Variants in LLPH observed in about 807,000 individuals in gnomAD.
The protein encoded by LLPH is protein LLP homolog.
A neutral mutation model predicts 13.3 loss-of-function variants in LLPH; 5 were observed. That is an observed-to-expected ratio of 0.38 (90% CI 0.20 to 0.79). The LOEUF is 0.79. Among genes scored for constraint, LLPH ranks in the 30% least tolerant of loss-of-function variants. The pLI, the probability that LLPH is intolerant of heterozygous loss-of-function variation, is 0.45. For synonymous variants in LLPH, 32 were observed against 44.2 expected, an observed-to-expected ratio of 0.72 and a Z score of 1.09; for missense variants, 129 against 152.1, an observed-to-expected ratio of 0.85 and a Z score of 0.80.
chr12:66,118,495 C>T lies in LLPH; in HGVS notation c.*5345G>A, dbSNP rs1443704274. ...CTATTCATAAGTGGTACAGGTGTAC[C>T]ATTTTTTTATCTTTTATACTGTATT... On this transcript the variant is annotated 3_prime_UTR_variant, in exon 3 of 3. Transcript: ENST00000266604. The T allele has an allele frequency of 6.6e-6, 1 of 152,004 alleles. No homozygotes were observed. The highest frequency in any genetic ancestry group is 1.5e-5 in the Non-Finnish European group (1 of 68,018). 9.4% of individuals were successfully genotyped at this position (152,004 alleles called of 1,614,324 possible).
At chr12:66,129,390 C>CTT (rs35029381) in intron 1 of LLPH, among the ~76,000 whole-genome samples, 10,958 of 143,580 alleles carry the variant, frequency 0.076, 935 homozygotes, top group East Asian at 0.5. Flanking sequence ...TGTCTTTTTT[C>CTT]TTTTTTTTTT....
chr12:66,127,041 T>A (rs2051501951), intron 2 of LLPH, among the ~76,000 whole-genome samples: 1 of 152,172 alleles, frequency 6.6e-6, no homozygotes, highest in Non-Finnish European at 1.5e-5. Flanking sequence ...TTTCATACCC[T>A]CGAAGATGGC....
chr12:66,129,408 CAG>C (rs758287273), intron 1 of LLPH, among the ~76,000 whole-genome samples: 3 of 148,166 alleles, frequency 2.0e-5, no homozygotes, highest in Non-Finnish European at 4.5e-5. Flanking sequence ...TTTTTTGAGA[CAG>C]AGTCTTGTTC....
rs1033758235 is a variant in LLPH, at chr12:66,130,687, G to C, written c.-8+18C>G. ...CCAAGTCCCATGTGTCACTGGACCG[G>C]TGAGGAACCGAACTCACCTGAGAAA... On this transcript the variant is annotated intron_variant, in intron 1 of 2. Transcript: ENST00000266604. 1 of 152,342 alleles carries C rather than the reference G, an allele frequency of 6.6e-6. No individual in the cohort carries two copies. The highest frequency in any genetic ancestry group is 1.9e-4 in the East Asian group (1 of 5,194). The allele number at this position is 152,342 out of a possible 1,614,324, so 9.4% of individuals were successfully genotyped here.
Position 66,118,540 on chromosome 12 carries a change from G to A in LLPH, c.*5300C>T, listed in dbSNP as rs1244964304. 6.6e-6 allele frequency: 1 copy of A among 151,864 alleles called. No individual in the cohort carries two copies. Among genetic ancestry groups the A allele is most frequent in the African/African-American group, 2.4e-5 (1 of 41,296 alleles). The allele number at this position is 151,864 out of a possible 1,614,324, so 9.4% of individuals were successfully genotyped here. A position where few individuals can be genotyped will look rare whatever the true frequency, so the allele number is the denominator to read the frequency against. On this transcript the variant is annotated 3_prime_UTR_variant, in exon 3 of 3. Coordinates refer to ENST00000266604, the MANE Select transcript of LLPH (RefSeq NM_032338.4). ...TGTATTTTTACTGTACCTTTTCTAT[G>A]TTTAGATACACAAATACTTCCCATT...
Position 66,117,973 on chromosome 12 carries a change from C to T in LLPH, c.*5867G>A, listed in dbSNP as rs898336866. ...GGTTATACAGTTTAAAAAATTAAAA[C>T]GTTTATAAGGTAAAAAAGTTACAGG... On this transcript the variant is annotated 3_prime_UTR_variant, in exon 3 of 3. Coordinates refer to ENST00000266604, the MANE Select transcript of LLPH (RefSeq NM_032338.4). The T allele has an allele frequency of 7.2e-5, 11 of 151,952 alleles. No homozygotes were observed. The highest frequency in any genetic ancestry group is 2.7e-4 in the African/African-American group (11 of 41,352). 9.4% of individuals were successfully genotyped at this position (151,952 alleles called of 1,614,324 possible). A position where few individuals can be genotyped will look rare whatever the true frequency, so the allele number is the denominator to read the frequency against.
chr12:66,124,090 A>G, intron 2 of LLPH, 72 bp from the exon 3 acceptor site: 1 of 969,504 alleles, frequency 1.0e-6, no homozygotes, highest in East Asian at 2.5e-5. Context: ...ATATTAATGC[A>G]CTGAGAACAT....
intron 1 of LLPH, among the ~76,000 whole-genome samples, chr12:66,129,931 C>T (rs1217181258): frequency 6.6e-6 from 1 of 152,134 alleles, no homozygotes; most frequent in Non-Finnish European, 1.5e-5. Context: ...AAAAAGCATT[C>T]ACTGCCTTTC....
intron 2 of LLPH, among the ~76,000 whole-genome samples, chr12:66,124,933 T>C (rs567482038): frequency 6.6e-5 from 10 of 152,108 alleles, no homozygotes; most frequent in Non-Finnish European, 1.5e-4. Flanking sequence ...CTATAGGCAT[T>C]TGTAGTCTCA....
rs1355709030 is a variant in LLPH, at chr12:66,128,878, A to G, written c.211+18T>C. ...AAAAAAAAAAAAAAAGAGAAAGAAA[A>G]AGGAGAAGCACACTCACCTTTTTCA... On this transcript the variant is annotated intron_variant, in intron 2 of 2. Transcript: ENST00000266604. 4 of 1,556,546 alleles carry G rather than the reference A, an allele frequency of 2.6e-6. No individual in the cohort carries two copies. Among genetic ancestry groups the G allele is most frequent in the Non-Finnish European group, 3.5e-6 (4 of 1,148,122 alleles).
chr12:66,125,497 T>C (rs2051490494), intron 2 of LLPH, among the ~76,000 whole-genome samples: 1 of 152,066 alleles, frequency 6.6e-6, no homozygotes. Flanking sequence ...AACAAATAGA[T>C]TACTAAATGG....
chr12:66,123,794 T>G lies in LLPH; in HGVS notation c.*46A>C. 1 of 1,600,632 alleles carries G rather than the reference T, an allele frequency of 6.2e-7. No individual in the cohort carries two copies. Among genetic ancestry groups the G allele is most frequent in the Non-Finnish European group, 8.5e-7 (1 of 1,174,276 alleles). On this transcript the variant is annotated 3_prime_UTR_variant, in exon 3 of 3. Coordinates refer to ENST00000266604, the MANE Select transcript of LLPH (RefSeq NM_032338.4). ...TCAAAGTATACATGTGTATACATTC[T>G]AATCCGTCATCTATCCCATGTGGCA...
rs2051430782 is a variant in LLPH at position 66,116,757 on chromosome 12, C to T, written c.*7083G>A. ...ATTCATCGCTTTAGGATATTAAATA[C>T]ATTCCGCATATTAAAAACTTAATGT... On this transcript the variant is annotated 3_prime_UTR_variant, in exon 3 of 3. Transcript: ENST00000266604. The T allele has an allele frequency of 6.6e-6, 1 of 152,234 alleles. No individual in the cohort carries two copies. The highest frequency in any genetic ancestry group is 2.4e-5 in the African/African-American group (1 of 41,464). 9.4% of individuals were successfully genotyped at this position (152,234 alleles called of 1,614,324 possible).
At chr12:66,129,607 G>C (rs978845814) in intron 1 of LLPH, among the ~76,000 whole-genome samples, 21 of 151,906 alleles carry the variant, frequency 1.4e-4, no homozygotes, top group African/African-American at 4.6e-4. Flanking sequence ...GGATAGTCTC[G>C]ATCTCCTGAC....
chr12:66,127,525 C>T (rs1186016084), intron 2 of LLPH, among the ~76,000 whole-genome samples: 1 of 152,094 alleles, frequency 6.6e-6, no homozygotes, highest in Non-Finnish European at 1.5e-5. Flanking sequence ...GGAGGAGAGA[C>T]AGACTTCTTA....
In LLPH at chr12:66,122,058, CATGA is replaced by C. The variant is rs1448433018; in HGVS notation, c.*1778_*1781del. 2 of 152,038 alleles carry C rather than the reference CATGA, an allele frequency of 1.3e-5. No individual in the cohort carries two copies. Among genetic ancestry groups the C allele is most frequent in the Non-Finnish European group, 2.9e-5 (2 of 68,012 alleles). 9.4% of individuals were successfully genotyped at this position (152,038 alleles called of 1,614,324 possible). ...TACCTACACCAAAGGCAACAAAGAT[CATGA>C]ATGACATCTTTCAATTCATATCTTT... On this transcript the variant is annotated 3_prime_UTR_variant, in exon 3 of 3. Coordinates refer to ENST00000266604, the MANE Select transcript of LLPH (RefSeq NM_032338.4).
chr12:66,119,470 C>T lies in LLPH; in HGVS notation c.*4370G>A, dbSNP rs1385256167. The T allele has an allele frequency of 6.6e-6, 1 of 152,194 alleles. No individual in the cohort carries two copies. 9.4% of individuals were successfully genotyped at this position (152,194 alleles called of 1,614,324 possible). ...CTGGAAACAGCAGAGTGACCTTTGA[C>T]CTGATGTAAGTATTTAACAGTCCCA... On this transcript the variant is annotated 3_prime_UTR_variant, in exon 3 of 3. Coordinates refer to ENST00000266604, the MANE Select transcript of LLPH (RefSeq NM_032338.4).
chr12:66,129,814 C>G (rs1212175764), intron 1 of LLPH, among the ~76,000 whole-genome samples: 1 of 152,194 alleles, frequency 6.6e-6, no homozygotes, highest in Non-Finnish European at 1.5e-5. Context: ...CATTATCCAT[C>G]CTCTCAAGCC....
In LLPH at chr12:66,117,515, A is replaced by G. The variant is rs1411274202; in HGVS notation, c.*6325T>C. Reference sequence around the variant, plus strand: ...ACAAACCTACTGTGCTGTCAGTCATATAAAGGTATAGCACATACAATTATG... The same window carrying G: ...ACAAACCTACTGTGCTGTCAGTCATGTAAAGGTATAGCACATACAATTATG... On this transcript the variant is annotated 3_prime_UTR_variant, in exon 3 of 3. Coordinates refer to ENST00000266604, the MANE Select transcript of LLPH (RefSeq NM_032338.4). 6.6e-6 allele frequency: 1 copy of G among 152,272 alleles called. No individual in the cohort carries two copies. Among genetic ancestry groups the G allele is most frequent in the African/African-American group, 2.4e-5 (1 of 41,468 alleles). 9.4% of individuals were successfully genotyped at this position (152,272 alleles called of 1,614,324 possible). A position where few individuals can be genotyped will look rare whatever the true frequency, so the allele number is the denominator to read the frequency against.
Sources: gnomAD v4.1 joint callset for allele counts (sites outside exome capture counted in the v4.1 genomes callset) on GRCh38, gnomAD v4.1.1 for gene constraint, MANE v1.5 for transcripts, NCBI Gene and HGNC (gene_info 2026-07-23, HGNC 2026-07-21) for gene names.